SGCZ: variants seen among roughly 807,000 people sequenced by gnomAD.
The protein encoded by SGCZ is sarcoglycan zeta.
SGCZ carries 40 observed loss-of-function variants against 41.3 expected under a neutral mutation model. The observed-to-expected ratio is 0.97, with a 90% CI of 0.75 to 1.26. The LOEUF is 1.26. Ranked by LOEUF, SGCZ falls within the 50% of genes most tolerant of loss-of-function variation. The probability of loss-of-function intolerance (pLI) is 0.00; values close to 1 mark genes in which losing one functional copy is unlikely to be tolerated. For missense variants in SGCZ, 552 were observed against 369.8 expected, an observed-to-expected ratio of 1.49 and a Z score of -4.04; for synonymous variants, 206 against 137.5, an observed-to-expected ratio of 1.50 and a Z score of -3.49.
In SGCZ at chr8:15,072,778, G is replaced by A. The variant is rs529702006; in HGVS notation, c.39+164807C>T. 1.4e-3 allele frequency among the ~76,000 whole-genome samples: 211 copies of A among 152,244 alleles called. No homozygotes were observed. The South Asian group carries it at 0.015, about 11-fold the overall frequency. On this transcript the variant is annotated intron_variant, in intron 1 of 7. Coordinates refer to ENST00000382080, the MANE Select transcript of SGCZ (RefSeq NM_139167.4). ...TGATAATTTTGCTAAAATAATTGGT[G>A]TAATGGAGATGATTCAAATCTCAGA...
intron 1 of SGCZ, among the ~76,000 whole-genome samples, chr8:14,781,900 G>A (rs918653583): frequency 1.3e-5 from 2 of 152,136 alleles, no homozygotes; most frequent in Non-Finnish European, 2.9e-5. Flanking sequence ...TACTGAAAGT[G>A]AAAAACAGAA....
At chr8:15,054,839 G>C (rs1167656466) in intron 1 of SGCZ, among the ~76,000 whole-genome samples, 1 of 151,480 alleles carries the variant, frequency 6.6e-6, no homozygotes, top group Admixed American at 6.6e-5. Flanking sequence ...GCGGGCACCT[G>C]TAGCCCCAGC....
intron 1 of SGCZ, among the ~76,000 whole-genome samples, chr8:14,923,343 A>G (rs921193848): frequency 2.6e-5 from 4 of 152,208 alleles, no homozygotes; most frequent in South Asian, 2.1e-4. Flanking sequence ...TCTACTAAAA[A>G]TACACAAATT....
At chr8:15,118,613 C>G (rs2054061) in intron 1 of SGCZ, among the ~76,000 whole-genome samples, 147,193 of 152,270 alleles carry the variant, frequency 0.97, 71,317 homozygotes, top group East Asian at 1. Flanking sequence ...CAAAGGGTCT[C>G]TTTTCAATAA....
chr8:14,201,556 T>C (rs549591466), intron 4 of SGCZ, among the ~76,000 whole-genome samples: 2 of 152,300 alleles, frequency 1.3e-5, no homozygotes, highest in Admixed American at 6.5e-5. Context: ...ATTGTATTTA[T>C]GTATTTCAGA....
intron 2 of SGCZ, among the ~76,000 whole-genome samples, chr8:14,524,891 G>T (rs967803212): frequency 1.3e-5 from 2 of 151,872 alleles, no homozygotes; most frequent in Non-Finnish European, 2.9e-5. Flanking sequence ...GACATGTTTG[G>T]TCCAGGTCTT....
At chr8:14,735,061 A>T (rs1419376883) in intron 1 of SGCZ, among the ~76,000 whole-genome samples, 1 of 152,180 alleles carries the variant, frequency 6.6e-6, no homozygotes, top group East Asian at 1.9e-4. Flanking sequence ...ATACACAAAG[A>T]CTGAGTGCAG....
chr8:14,821,859 C>T (rs557005186), intron 1 of SGCZ, among the ~76,000 whole-genome samples: 3 of 151,930 alleles, frequency 2.0e-5, no homozygotes, highest in Non-Finnish European at 2.9e-5. Flanking sequence ...ACTATCATAC[C>T]GAATGGGGAA....
rs560204997 is a variant in SGCZ, at chr8:14,473,667, G to C, written c.234+81065C>G. ...AAAAATGAAAAAGCGGCCGGGCGAG[G>C]TGTCTCAAGCCTGTAATCCCAGCAC... On this transcript the variant is annotated intron_variant, in intron 2 of 7. Coordinates refer to ENST00000382080, the MANE Select transcript of SGCZ (RefSeq NM_139167.4). Among the ~76,000 whole-genome samples, 21 of 152,236 alleles carry C rather than the reference G, an allele frequency of 1.4e-4. 1 individual carries two copies. Among genetic ancestry groups the C allele is most frequent in the Non-Finnish European group, 2.2e-4 (15 of 68,016 alleles).
At chr8:14,883,935 T>C (rs1340454265) in intron 1 of SGCZ, among the ~76,000 whole-genome samples, 2 of 152,054 alleles carry the variant, frequency 1.3e-5, no homozygotes, top group African/African-American at 2.4e-5. Flanking sequence ...GGCAGCTGGA[T>C]AGGTATGATG....
At chr8:14,209,317 C>G (rs1416668522) in intron 4 of SGCZ, among the ~76,000 whole-genome samples, 6 of 152,034 alleles carry the variant, frequency 3.9e-5, no homozygotes, top group Non-Finnish European at 8.8e-5. Context: ...CTCTCTCTCA[C>G]CAGGGAGAGA....
intron 1 of SGCZ, among the ~76,000 whole-genome samples, chr8:14,733,599 T>G (rs1475264451): frequency 6.6e-6 from 1 of 152,214 alleles, no homozygotes; most frequent in Non-Finnish European, 1.5e-5. Context: ...AATCTGTTCT[T>G]GTTTTGTGAG....
At chr8:14,680,689 CA>C (rs1808414175) in intron 1 of SGCZ, among the ~76,000 whole-genome samples, 1 of 150,860 alleles carries the variant, frequency 6.6e-6, no homozygotes, top group Non-Finnish European at 1.5e-5. Flanking sequence ...AGAAATCTCA[CA>C]GATATAATTA....
intron 1 of SGCZ, among the ~76,000 whole-genome samples, chr8:14,614,794 C>T (rs186439728): frequency 6.6e-6 from 1 of 152,020 alleles, no homozygotes; most frequent in East Asian, 1.9e-4. Context: ...ATTTGAAGCC[C>T]AGAGCATCTA....
At chr8:14,181,584 C>A (rs1585207610) in intron 4 of SGCZ, among the ~76,000 whole-genome samples, 1 of 152,178 alleles carries the variant, frequency 6.6e-6, no homozygotes, top group Non-Finnish European at 1.5e-5. Flanking sequence ...AAGGGCGGGG[C>A]CAGATGGAGA....
intron 1 of SGCZ, among the ~76,000 whole-genome samples, chr8:14,669,911 G>A (rs1808049026): frequency 6.6e-6 from 1 of 152,050 alleles, no homozygotes; most frequent in Non-Finnish European, 1.5e-5. Context: ...AGTCCACATA[G>A]GAATTAAACT....
chr8:14,506,011 CT>C lies in SGCZ; in HGVS notation c.234+48720del, dbSNP rs907506186. On this transcript the variant is annotated intron_variant, in intron 2 of 7. Coordinates refer to ENST00000382080, the MANE Select transcript of SGCZ (RefSeq NM_139167.4). Reference sequence around the variant, plus strand: ...CTTCCAAACATACTTTCTCATTCTTCTTTTTTTTTTCATTCAATGAAAAGCA... The same window carrying C: ...CTTCCAAACATACTTTCTCATTCTTCTTTTTTTTTCATTCAATGAAAAGCA... Among the ~76,000 whole-genome samples the C allele has an allele frequency of 2.4e-4, 36 of 149,952 alleles. 1 individual carries two copies. Among genetic ancestry groups the C allele is most frequent in the East Asian group, 5.9e-4 (3 of 5,092 alleles).
intron 1 of SGCZ, among the ~76,000 whole-genome samples, chr8:15,180,661 G>A (rs148284660): frequency 0.02 from 3,064 of 151,940 alleles, 105 homozygotes; most frequent in African/African-American, 0.07. Flanking sequence ...CAAGGCAGGC[G>A]GATCATGAGG....
chr8:14,423,603 A>G (rs1799695238), intron 2 of SGCZ, among the ~76,000 whole-genome samples: 1 of 152,052 alleles, frequency 6.6e-6, no homozygotes, highest in South Asian at 2.1e-4. Context: ...TTTAGTAGAG[A>G]CAGGGTTTCT....
Sources: gnomAD v4.1 joint callset for allele counts (sites outside exome capture counted in the v4.1 genomes callset) on GRCh38, gnomAD v4.1.1 for gene constraint, MANE v1.5 for transcripts, NCBI Gene and HGNC (gene_info 2026-07-23, HGNC 2026-07-21) for gene names.